The following ZNF69 variants were observed in gnomAD, a reference collection of about 807,000 sequenced individuals.
ZNF69 encodes the protein ZNF3.
Under a neutral mutation model 50.9 loss-of-function variants are expected in ZNF69, and 47 were observed. That is an observed-to-expected ratio of 0.92 (90% confidence interval 0.73 to 1.18). The LOEUF is 1.18. ZNF69 is among the 50% of genes most tolerant of loss of function. ZNF69 has a pLI of 0.00. For missense variants in ZNF69, 717 were observed against 675.1 expected (o/e 1.06, Z -0.69); for synonymous variants, 216 against 223.1 (o/e 0.97, Z 0.29).
the ZNF69 span, among the ~76,000 whole-genome samples, chr19:11,953,567 C>A: frequency 2.0e-5 from 3 of 152,252 alleles, no homozygotes; most frequent in Non-Finnish European, 4.4e-5. Context: ...GCAATCCACA[C>A]ACTCGTGGTT....
At chr19:11,889,054 G>C (rs1174416751) in intron 1 of ZNF69, among the ~76,000 whole-genome samples, 1 of 152,136 alleles carries the variant, frequency 6.6e-6, no homozygotes, top group East Asian at 1.9e-4. Context: ...GGATTCTGTA[G>C]GTGGCAGCTG....
chr19:11,978,693 G>T, the ZNF69 span: 2 of 1,614,030 alleles, frequency 1.2e-6, no homozygotes, highest in Non-Finnish European at 1.7e-6. Context: ...AAAGCCTTAT[G>T]AATGTCAGCA....
chr19:11,962,604 C>A, the ZNF69 span, among the ~76,000 whole-genome samples: 859 of 152,140 alleles, frequency 5.6e-3, 2 homozygotes, highest in Non-Finnish European at 9.7e-3. Context: ...CAAGTGACCC[C>A]CCCCCACCTC....
At chr19:11,979,451 A>C in the ZNF69 span, 1 of 1,606,570 alleles carries the variant, frequency 6.2e-7, no homozygotes, top group Non-Finnish European at 8.5e-7. Context: ...CTCTGGAGAA[A>C]GACCTTATAA....
the ZNF69 span, among the ~76,000 whole-genome samples, chr19:11,960,852 T>A: frequency 6.6e-6 from 1 of 152,214 alleles, no homozygotes; most frequent in Non-Finnish European, 1.5e-5. Context: ...CATTCTGAAA[T>A]TGGACCTCAT....
chr19:11,901,103 C>T (rs1367458592), intron 1 of ZNF69, among the ~76,000 whole-genome samples: 1 of 152,140 alleles, frequency 6.6e-6, no homozygotes, highest in Non-Finnish European at 1.5e-5. Flanking sequence ...ATTATGGAGA[C>T]AGGGTCTCCT....
the ZNF69 span, chr19:11,950,168 A>G: frequency 1.2e-6 from 2 of 1,613,858 alleles, no homozygotes; most frequent in African/African-American, 1.3e-5. Context: ...GCATTCAATT[A>G]TTTTTCTTCC....
At chr19:11,929,455 G>A in the ZNF69 span, among the ~76,000 whole-genome samples, 4 of 148,352 alleles carry the variant, frequency 2.7e-5, 1 homozygote, top group Admixed American at 1.3e-4. Context: ...GAACCACTGC[G>A]CCCGGCCTGA....
At chr19:11,953,487 T>C in the ZNF69 span, 1 of 152,350 alleles carries the variant, frequency 6.6e-6, no homozygotes, top group South Asian at 2.1e-4. Context: ...TAACATATGC[T>C]TTTCTGCATC....
the ZNF69 span, among the ~76,000 whole-genome samples, chr19:11,957,814 CA>C: frequency 2.0e-5 from 3 of 151,984 alleles, no homozygotes; most frequent in African/African-American, 7.3e-5. Flanking sequence ...TACTGCACTC[CA>C]GCCTGGGCTA....
At chr19:11,932,956 T>C in the ZNF69 span, among the ~76,000 whole-genome samples, 1 of 148,590 alleles carries the variant, frequency 6.7e-6, no homozygotes, top group Non-Finnish European at 1.5e-5. Context: ...TATTTTATAT[T>C]GGATTTTATT....
the ZNF69 span, among the ~76,000 whole-genome samples, chr19:11,958,700 A>G: frequency 2.6e-5 from 4 of 152,150 alleles, no homozygotes; most frequent in Non-Finnish European, 5.9e-5. Flanking sequence ...GTGTCTCCAC[A>G]GTCCAAGTGG....
downstream of ZNF69, among the ~76,000 whole-genome samples, chr19:11,911,466 A>G (rs1972456579): frequency 6.6e-6 from 1 of 152,238 alleles, no homozygotes; most frequent in African/African-American, 2.4e-5. Context: ...AACGTGGCAC[A>G]TATACACCAT....
downstream of ZNF69, among the ~76,000 whole-genome samples, chr19:11,914,556 A>G (rs73003922): frequency 0.094 from 14,317 of 152,248 alleles, 1,399 homozygotes; most frequent in African/African-American, 0.24. Flanking sequence ...TCTAAATACA[A>G]GCCTGTCTTT....
the ZNF69 span, among the ~76,000 whole-genome samples, chr19:11,969,817 CT>C: frequency 1.3e-5 from 2 of 152,182 alleles, no homozygotes; most frequent in Admixed American, 1.3e-4. Context: ...GCCTCTCCTC[CT>C]TTTATCTTTC....
intron 1 of ZNF69, among the ~76,000 whole-genome samples, chr19:11,892,186 C>A (rs1977109593): frequency 7.0e-6 from 1 of 142,606 alleles, no homozygotes; most frequent in African/African-American, 2.6e-5. Context: ...TGATATGTTG[C>A]CTAGGCTGGT....
chr19:11,964,493 A>T, the ZNF69 span, among the ~76,000 whole-genome samples: 1 of 152,354 alleles, frequency 6.6e-6, no homozygotes, highest in African/African-American at 2.4e-5. Context: ...AATTAACCCC[A>T]GGTGAGAGTT....
At chr19:11,964,641 C>T in the ZNF69 span, among the ~76,000 whole-genome samples, 1 of 152,102 alleles carries the variant, frequency 6.6e-6, no homozygotes, top group African/African-American at 2.4e-5. Context: ...TCTCCTGATG[C>T]AGTCGTGCCT....
chr19:11,952,338 C>A, the ZNF69 span, among the ~76,000 whole-genome samples: 1 of 152,126 alleles, frequency 6.6e-6, no homozygotes, highest in Non-Finnish European at 1.5e-5. Context: ...TTCATTTATG[C>A]CTTATAAAGC....
Sources: gnomAD v4.1 joint callset for allele counts (sites outside exome capture counted in the v4.1 genomes callset) on GRCh38, gnomAD v4.1.1 for gene constraint, MANE v1.5 for transcripts, NCBI Gene and HGNC (gene_info 2026-07-23, HGNC 2026-07-21) for gene names.